The following SORCS3 variants were observed in gnomAD, a reference collection of about 807,000 sequenced individuals.
SORCS3 encodes VPS10 domain-containing receptor SorCS3.
In SORCS3, 57 loss-of-function variants were observed where a neutral mutation model predicts 146.3. That is an observed-to-expected ratio of 0.39 (90% confidence interval 0.31 to 0.49). The LOEUF is 0.49. SORCS3 is among the 20% of genes least tolerant of loss of function. The pLI, the probability that SORCS3 is intolerant of heterozygous loss-of-function variation, is 0.92. For synonymous variants in SORCS3, 653 were observed against 618.5 expected (o/e 1.06, Z -0.83); for missense variants, 1,341 against 1,575.5 (o/e 0.85, Z 2.52).
intron 20 of SORCS3, among the ~76,000 whole-genome samples, chr10:105,227,192 T>C (rs186550744): frequency 1.3e-5 from 2 of 152,206 alleles, no homozygotes; most frequent in East Asian, 3.9e-4. Flanking sequence ...ATTATTGCTA[T>C]AAGCGTACCT....
intron 1 of SORCS3, among the ~76,000 whole-genome samples, chr10:104,735,456 G>GTTCTTTTTTTTTTTTTTT (rs2016757341): frequency 2.9e-5 from 1 of 34,994 alleles, no homozygotes; most frequent in African/African-American, 1.2e-4. Context: ...CTCACCGTCT[G>GTTCTTTTTTTTTTTTTTT]TTTTTTTTTT....
At chr10:105,100,568 A>G (rs1335960531) in intron 6 of SORCS3, among the ~76,000 whole-genome samples, 1 of 152,090 alleles carries the variant, frequency 6.6e-6, no homozygotes, top group Admixed American at 6.6e-5. Context: ...TCCAGGTTAA[A>G]CTCAAGGGCT....
chr10:104,689,813 G>A (rs1056329657), intron 1 of SORCS3, among the ~76,000 whole-genome samples: 11 of 152,112 alleles, frequency 7.2e-5, no homozygotes, highest in African/African-American at 2.7e-4. Context: ...CAGAAACACC[G>A]AAGGCCTAGA....
intron 3 of SORCS3, among the ~76,000 whole-genome samples, chr10:104,965,478 A>G (rs1457533052): frequency 6.6e-6 from 1 of 152,168 alleles, no homozygotes; most frequent in South Asian, 2.1e-4. Context: ...ATTTTTAATT[A>G]TTTGTTGAAC....
chr10:105,197,295 A>G (rs12355597), intron 14 of SORCS3, among the ~76,000 whole-genome samples: 11,836 of 152,248 alleles, frequency 0.078, 655 homozygotes, highest in Admixed American at 0.15. Context: ...AACTTTAGGA[A>G]CTATGAACCC....
At chr10:105,085,104 A>G (rs1234332670) in intron 5 of SORCS3, among the ~76,000 whole-genome samples, 1 of 152,198 alleles carries the variant, frequency 6.6e-6, no homozygotes, top group Admixed American at 6.5e-5. Context: ...CCCTAGAGAC[A>G]TTTTTGGTTG....
In SORCS3 at chr10:104,977,417, T is replaced by C; in HGVS notation, c.878T>C (p.Leu293Pro). ...GGGGCGACCTATCAGAAGTATCGGC[T>C]CACCTTCTATATCCAGAGCCTGCTC... is the stretch of plus-strand genomic sequence containing the variant. ...DEGATYQKYRLTFYIQSLLFH... is the reference protein window; with the variant it reads ...DEGATYQKYRPTFYIQSLLFH... The change falls in exon 4 of 27, where the codon CTC (leucine) becomes CCC (proline). Residue 293 changes from leucine to proline, a missense_variant. Coordinates refer to ENST00000369701, the MANE Select transcript of SORCS3 (RefSeq NM_014978.3). 6.2e-7 allele frequency: 1 copy of C among 1,613,904 alleles called. No homozygotes were observed.
intron 13 of SORCS3, among the ~76,000 whole-genome samples, chr10:105,169,295 A>G (rs1402713143): frequency 1.3e-5 from 2 of 152,260 alleles, no homozygotes; most frequent in Non-Finnish European, 2.9e-5. Flanking sequence ...CCTGCCCTCC[A>G]GGAGACTATA....
intron 4 of SORCS3, among the ~76,000 whole-genome samples, chr10:105,039,684 T>A (rs1223749946): frequency 6.6e-6 from 1 of 152,030 alleles, no homozygotes; most frequent in African/African-American, 2.4e-5. Flanking sequence ...CTTGATCTCC[T>A]GACCTTGGGA....
At chr10:105,159,686 G>A (rs918424770) in intron 11 of SORCS3, among the ~76,000 whole-genome samples, 3 of 152,222 alleles carry the variant, frequency 2.0e-5, no homozygotes. Context: ...TAGAGCTCCG[G>A]TGTTGGTCAG....
chr10:105,103,891 G>A (rs940593652), intron 6 of SORCS3, among the ~76,000 whole-genome samples: 5 of 152,168 alleles, frequency 3.3e-5, no homozygotes, highest in African/African-American at 9.7e-5. Context: ...CTACATATAT[G>A]AGTAAACCCC....
At chr10:105,189,122 T>C (rs910003946) in intron 14 of SORCS3, among the ~76,000 whole-genome samples, 5 of 152,208 alleles carry the variant, frequency 3.3e-5, no homozygotes, top group Non-Finnish European at 7.4e-5. Context: ...GAATTTCTCT[T>C]CTTCCCTCAC....
chr10:105,129,331 CT>C (rs71022753), intron 7 of SORCS3, among the ~76,000 whole-genome samples: 4,625 of 104,412 alleles, frequency 0.044, 246 homozygotes, highest in African/African-American at 0.13. Flanking sequence ...CTTTCTTTCT[CT>C]TTTTTTTTTT....
chr10:104,782,570 T>C (rs938389536), intron 1 of SORCS3, among the ~76,000 whole-genome samples: 1 of 152,208 alleles, frequency 6.6e-6, no homozygotes, highest in Non-Finnish European at 1.5e-5. Context: ...CTTGGATACC[T>C]ACAGAATGAG....
At chr10:104,953,998 G>A (rs1283076105) in intron 3 of SORCS3, among the ~76,000 whole-genome samples, 1 of 152,176 alleles carries the variant, frequency 6.6e-6, no homozygotes, top group Admixed American at 6.5e-5. Context: ...TATTGGGCAA[G>A]GCCAGGAAAA....
intron 5 of SORCS3, among the ~76,000 whole-genome samples, chr10:105,084,332 T>C (rs2133736238): frequency 6.6e-6 from 1 of 152,336 alleles, no homozygotes; most frequent in Admixed American, 6.5e-5. Context: ...TCAATACCCA[T>C]TAGCATTTAT....
chr10:104,864,641 CAG>C (rs1244343453), intron 2 of SORCS3, among the ~76,000 whole-genome samples: 2 of 152,114 alleles, frequency 1.3e-5, no homozygotes, highest in Admixed American at 6.6e-5. Context: ...GTCTTTTCAT[CAG>C]AGACATGCTT....
At chr10:105,164,081 C>T (rs969495672) in intron 11 of SORCS3, among the ~76,000 whole-genome samples, 2 of 152,166 alleles carry the variant, frequency 1.3e-5, no homozygotes, top group African/African-American at 4.8e-5. Context: ...GTCTTTGACT[C>T]ATGACATTGA....
chr10:104,956,098 A>G (rs2019486806), intron 3 of SORCS3, among the ~76,000 whole-genome samples: 1 of 152,150 alleles, frequency 6.6e-6, no homozygotes, highest in Non-Finnish European at 1.5e-5. Flanking sequence ...TGACATCACA[A>G]TGGTAACGTG....
Sources: gnomAD v4.1 joint callset for allele counts (sites outside exome capture counted in the v4.1 genomes callset) on GRCh38, gnomAD v4.1.1 for gene constraint, MANE v1.5 for transcripts, NCBI Gene and HGNC (gene_info 2026-07-23, HGNC 2026-07-21) for gene names.